Variants in PRKAA2 observed in about 807,000 individuals in gnomAD.
The protein encoded by PRKAA2 is 5'-AMP-activated protein kinase catalytic subunit alpha-2.
Under a neutral mutation model 56.3 loss-of-function variants are expected in PRKAA2, and 40 were observed. The observed-to-expected ratio is 0.71, with a 90% confidence interval of 0.55 to 0.92. The LOEUF is 0.92. Among genes scored for constraint, PRKAA2 ranks in the 40% least tolerant of loss-of-function variants. The probability of loss-of-function intolerance (pLI) is 0.00; values close to 1 mark genes in which losing one functional copy is unlikely to be tolerated. For synonymous variants in PRKAA2, 214 were observed against 234.2 expected (o/e 0.91, Z 0.79); for missense variants, 542 against 686.9 (o/e 0.79, Z 2.36).
At chr1:56,677,039 T>C (rs910609790) in intron 2 of PRKAA2, among the ~76,000 whole-genome samples, 1 of 152,186 alleles carries the variant, frequency 6.6e-6, no homozygotes, top group African/African-American at 2.4e-5. Flanking sequence ...GTCCAGAGTA[T>C]GTATATAGAG....
intron 1 of PRKAA2, among the ~76,000 whole-genome samples, chr1:56,659,778 C>G (rs1371855870): frequency 1.3e-5 from 2 of 151,966 alleles, no homozygotes; most frequent in South Asian, 4.1e-4. Flanking sequence ...CATGGTGGCA[C>G]GTGCCTATAG....
At chr1:56,652,081 C>T (rs957113137) in intron 1 of PRKAA2, among the ~76,000 whole-genome samples, 5 of 148,980 alleles carry the variant, frequency 3.4e-5, no homozygotes, top group South Asian at 2.1e-4. Flanking sequence ...GGCGCGATCT[C>T]GGCTCACTAC....
intron 6 of PRKAA2, among the ~76,000 whole-genome samples, chr1:56,701,893 CA>C (rs199843877): frequency 4.4e-4 from 56 of 126,454 alleles, no homozygotes; most frequent in Admixed American, 5.6e-4. Context: ...GACTCTGTCT[CA>C]AAAAAAAAAA....
At position 56,715,110 on chromosome 1, in the gene PRKAA2, T is replaced by G. The variant is rs1354592290; in HGVS notation, c.*7397T>G. The stretch of plus-strand genomic sequence containing the variant: ...TCAGTTTTGTTTGTTATATACTTTT[T>G]GTGAGTGTTAAATGATATGGGAAGG... On this transcript the variant is annotated 3_prime_UTR_variant, in exon 9 of 9. Transcript: ENST00000371244. 1 of 152,192 alleles carries G rather than the reference T, an allele frequency of 6.6e-6. No homozygotes were observed. Among genetic ancestry groups the G allele is most frequent in the Non-Finnish European group, 1.5e-5 (1 of 68,014 alleles). 9.4% of individuals were successfully genotyped at this position (152,192 alleles called of 1,614,324 possible). A position where few individuals can be genotyped will look rare whatever the true frequency, so the allele number is the denominator to read the frequency against.
At chr1:56,691,537 A>T in intron 3 of PRKAA2, 50 bp downstream of exon 3, 1 of 1,449,800 alleles carries the variant, frequency 6.9e-7, no homozygotes, top group Non-Finnish European at 9.6e-7. Context: ...AATAAAAAGG[A>T]AAGTATTGGG....
chr1:56,692,783 G>GT (rs1009193917), intron 4 of PRKAA2, among the ~76,000 whole-genome samples: 8 of 141,974 alleles, frequency 5.6e-5, no homozygotes, highest in South Asian at 2.2e-4. Flanking sequence ...ATGCATAACT[G>GT]TTTTTTTGTT....
In PRKAA2 at chr1:56,645,491, G is replaced by C. The variant is rs1488429327; in HGVS notation, c.94+10G>C. ...TTCGGCAAAGTGAAGAGTTGAGTACGCGCTCCGGACCGCTGTGCGGGGCTG... is the reference window on the plus strand; with the variant it reads ...TTCGGCAAAGTGAAGAGTTGAGTACCCGCTCCGGACCGCTGTGCGGGGCTG... On this transcript the variant is annotated intron_variant, in intron 1 of 8. Transcript: ENST00000371244. 1.4e-6 allele frequency: 2 copies of C among 1,476,836 alleles called. No homozygotes were observed. The highest frequency in any genetic ancestry group is 1.2e-5 in the South Asian group (1 of 80,622). 91.5% of individuals were successfully genotyped at this position (1,476,836 alleles called of 1,614,324 possible).
intron 2 of PRKAA2, among the ~76,000 whole-genome samples, chr1:56,690,825 A>G (rs963894954): frequency 6.6e-6 from 1 of 152,208 alleles, no homozygotes; most frequent in African/African-American, 2.4e-5. Context: ...TTTAGAAGAT[A>G]TATTCCACTT....
chr1:56,691,420 A>AT lies in PRKAA2; in HGVS notation c.270dup (p.Met91TyrfsTer10), dbSNP rs776405656. 1.2e-6 allele frequency: 2 copies of AT among 1,612,576 alleles called. No individual in the cohort carries two copies. Among genetic ancestry groups the AT allele is most frequent in the Non-Finnish European group, 1.7e-6 (2 of 1,179,090 alleles). On this transcript the variant is annotated frameshift_variant, in exon 3 of 9. Coordinates refer to ENST00000371244, the MANE Select transcript of PRKAA2 (RefSeq NM_006252.4). LOFTEE classifies it high-confidence loss of function. ...TACCAGGTGATCAGCACTCCAACAG[A>AT]TTTTTTTATGGTAATGGAATATGTG...
At chr1:56,695,392 T>C (rs1644252943) in intron 5 of PRKAA2, among the ~76,000 whole-genome samples, 2 of 151,766 alleles carry the variant, frequency 1.3e-5, no homozygotes, top group South Asian at 2.1e-4. Flanking sequence ...CGTTTCACCA[T>C]GTTGCCCAGG....
Position 56,710,430 on chromosome 1 carries a change from T to C in PRKAA2, c.*2717T>C, listed in dbSNP as rs974410556. ...GTGAAAAAAAGAAAGCCACATAACT[T>C]TGTTGAACTTTGCCCAAATTAATTT... On this transcript the variant is annotated 3_prime_UTR_variant, in exon 9 of 9. Transcript: ENST00000371244. The C allele has an allele frequency of 2.0e-5, 3 of 152,100 alleles. No individual in the cohort carries two copies. Among genetic ancestry groups the C allele is most frequent in the Non-Finnish European group, 4.4e-5 (3 of 67,978 alleles). The allele number at this position is 152,100 out of a possible 1,614,324, so 9.4% of individuals were successfully genotyped here.
chr1:56,658,948 C>A (rs1012751103), intron 1 of PRKAA2, among the ~76,000 whole-genome samples: 1 of 151,510 alleles, frequency 6.6e-6, no homozygotes, highest in Non-Finnish European at 1.5e-5. Context: ...GCGAGTGCCA[C>A]CATGCCCGGC....
intron 1 of PRKAA2, among the ~76,000 whole-genome samples, chr1:56,670,313 TAA>T (rs748013438): frequency 1.3e-5 from 2 of 152,218 alleles, no homozygotes; most frequent in Non-Finnish European, 2.9e-5. Context: ...TGCTGTCTTG[TAA>T]AAGTCTGAGC....
At chr1:56,690,675 G>A (rs890493280) in intron 2 of PRKAA2, among the ~76,000 whole-genome samples, 7 of 151,760 alleles carry the variant, frequency 4.6e-5, no homozygotes, top group Non-Finnish European at 1.0e-4. Flanking sequence ...CATTTTATTT[G>A]TTGAGGAAAT....
chr1:56,702,613 A>C (rs536911973), intron 6 of PRKAA2, among the ~76,000 whole-genome samples: 2 of 152,264 alleles, frequency 1.3e-5, no homozygotes, highest in African/African-American at 4.8e-5. Flanking sequence ...AGCTCATTCC[A>C]GTTCCTAGAG....
At chr1:56,652,239 C>A (rs1203054127) in intron 1 of PRKAA2, among the ~76,000 whole-genome samples, 1 of 151,932 alleles carries the variant, frequency 6.6e-6, no homozygotes. Flanking sequence ...TCTCGATCTC[C>A]TGACCTCGTA....
At chr1:56,665,755 T>C (rs1202572489) in intron 1 of PRKAA2, among the ~76,000 whole-genome samples, 2 of 152,192 alleles carry the variant, frequency 1.3e-5, no homozygotes. Flanking sequence ...TGGTATTGTA[T>C]TGCATTGTGG....
At chr1:56,652,140 C>T (rs1643903523) in intron 1 of PRKAA2, among the ~76,000 whole-genome samples, 1 of 150,156 alleles carries the variant, frequency 6.7e-6, no homozygotes, top group Admixed American at 6.6e-5. Context: ...GGCCTCCCGA[C>T]TAGCTGGGAC....
intron 2 of PRKAA2, among the ~76,000 whole-genome samples, chr1:56,680,558 T>A (rs1367774904): frequency 1.3e-5 from 2 of 152,104 alleles, no homozygotes; most frequent in African/African-American, 4.8e-5. Context: ...CCTTCCTGTG[T>A]CCAAGTGTTC....
Sources: gnomAD v4.1 joint callset for allele counts (sites outside exome capture counted in the v4.1 genomes callset) on GRCh38, gnomAD v4.1.1 for gene constraint, MANE v1.5 for transcripts, NCBI Gene and HGNC (gene_info 2026-07-23, HGNC 2026-07-21) for gene names.